PRH1: variants seen among roughly 807,000 people sequenced by gnomAD.
PRH1 encodes salivary acidic proline-rich phosphoprotein 1/2.
A neutral mutation model predicts 7.9 loss-of-function variants in PRH1; 7 were observed. The observed-to-expected ratio is 0.89, with a 90% confidence interval of 0.50 to 1.67. The LOEUF is 1.67. Among genes scored for constraint, PRH1 ranks in the 40% most tolerant of loss-of-function variants. The pLI is 0.00. For missense variants in PRH1, 109 were observed against 223.6 expected, an observed-to-expected ratio of 0.49 and a Z score of 3.27; for synonymous variants, 45 against 80.8, an observed-to-expected ratio of 0.56 and a Z score of 2.38.
At position 10,930,298 on chromosome 12, in the gene PRH1, A is replaced by G. The variant is rs1386891670; in HGVS notation, c.-59+43357T>C. The stretch of plus-strand genomic sequence containing the variant: ...CAGCCAAGAAGACGTTCCCTTGGTA[A>G]TATCAGGTAAATCCCAATAAATTCT... On this transcript the variant is annotated intron_variant, in intron 2 of 3. Coordinates refer to the PRH1 transcript ENST00000539853. 3 of 1,612,862 alleles carry G rather than the reference A, an allele frequency of 1.9e-6. No individual in the cohort carries two copies. The South Asian group carries it at 3.3e-5, about 18-fold the overall frequency.
chr12:11,067,511 A>T (rs1291390386), intron 1 of PRH1, among the ~76,000 whole-genome samples: 1 of 152,212 alleles, frequency 6.6e-6, no homozygotes, highest in Admixed American at 6.5e-5. Flanking sequence ...TATTAGCATT[A>T]AGAAGGTGGA....
chr12:11,035,740 T>A (rs1184772621), intron 1 of PRH1, among the ~76,000 whole-genome samples: 1 of 152,186 alleles, frequency 6.6e-6, no homozygotes, highest in African/African-American at 2.4e-5. Context: ...GATAGTATCT[T>A]ATCTGTTGCT....
intron 2 of PRH1, among the ~76,000 whole-genome samples, chr12:10,890,735 G>C (rs1949560070): frequency 6.6e-6 from 1 of 151,716 alleles, no homozygotes; most frequent in Non-Finnish European, 1.5e-5. Context: ...AAATTATCCA[G>C]GCATGATGGT....
chr12:10,906,101 T>G (rs1314735286), intron 2 of PRH1, among the ~76,000 whole-genome samples: 2 of 152,136 alleles, frequency 1.3e-5, no homozygotes, highest in African/African-American at 4.8e-5. Flanking sequence ...ATTTGGGAGG[T>G]CCTTTCTAAA....
chr12:10,980,769 G>T (rs1408893288), intron 1 of PRH1, among the ~76,000 whole-genome samples: 1 of 152,088 alleles, frequency 6.6e-6, no homozygotes, highest in East Asian at 1.9e-4. Flanking sequence ...ACTGAGAAGT[G>T]GTGCCCAGTA....
intron 1 of PRH1, among the ~76,000 whole-genome samples, chr12:11,059,721 T>C (rs1269299088): frequency 1.4e-5 from 2 of 142,356 alleles, no homozygotes; most frequent in Non-Finnish European, 3.2e-5. Flanking sequence ...ATAGCCAAAC[T>C]TTTCCTCTGC....
chr12:11,033,714 G>C (rs1238140215), intron 1 of PRH1, among the ~76,000 whole-genome samples: 1 of 152,132 alleles, frequency 6.6e-6, no homozygotes, highest in African/African-American at 2.4e-5. Context: ...AACTATCTTA[G>C]AGTTGTATAG....
At chr12:11,008,989 C>T (rs1940952888) in intron 1 of PRH1, among the ~76,000 whole-genome samples, 1 of 151,706 alleles carries the variant, frequency 6.6e-6, no homozygotes, top group Non-Finnish European at 1.5e-5. Context: ...CTCTTTATTA[C>T]TATTTGCATA....
chr12:11,062,795 T>C (rs930707235), intron 1 of PRH1, among the ~76,000 whole-genome samples: 1 of 152,106 alleles, frequency 6.6e-6, no homozygotes, highest in Non-Finnish European at 1.5e-5. Context: ...ATCACCTATA[T>C]GGACTTTTTT....
At chr12:11,022,454 T>C in intron 1 of PRH1, 8 of 1,614,102 alleles carry the variant, frequency 5.0e-6, no homozygotes, top group Non-Finnish European at 6.8e-6. Flanking sequence ...GAGGAGATCT[T>C]TCGTGTGTTA....
At chr12:11,159,643 C>G (rs748985366) in intron 1 of PRH1, 2 of 152,120 alleles carry the variant, frequency 1.3e-5, no homozygotes, top group Non-Finnish European at 2.9e-5. Context: ...ATTCCTAAGA[C>G]AAGTCCTCTT....
chr12:10,932,421 C>G (rs1950227044), intron 2 of PRH1: 1 of 194,756 alleles, frequency 5.1e-6, no homozygotes, highest in African/African-American at 2.3e-5. Flanking sequence ...CTTGATGTTT[C>G]CAGCAAGCTT....
At chr12:11,098,948 A>C (rs1272656954) in intron 1 of PRH1, among the ~76,000 whole-genome samples, 1 of 152,174 alleles carries the variant, frequency 6.6e-6, no homozygotes. Context: ...CCCACTCAAG[A>C]GTTTTCAGCC....
chr12:11,117,668 T>C (rs1945769989), downstream of PRH1, among the ~76,000 whole-genome samples: 1 of 152,170 alleles, frequency 6.6e-6, no homozygotes, highest in Admixed American at 6.5e-5. Context: ...CATATGATAC[T>C]TACTACTGAG....
At chr12:10,928,804 C>T (rs2135861934) in intron 2 of PRH1, among the ~76,000 whole-genome samples, 1 of 152,292 alleles carries the variant, frequency 6.6e-6, no homozygotes, top group East Asian at 1.9e-4. Context: ...AATAGGCTAT[C>T]AAAAGAGTCA....
At chr12:11,053,151 C>T (rs141718945) in intron 1 of PRH1, among the ~76,000 whole-genome samples, 2 of 152,396 alleles carry the variant, frequency 1.3e-5, no homozygotes, top group East Asian at 1.9e-4. Flanking sequence ...AAGAGCAGCA[C>T]TGGATTTCAA....
chr12:11,072,831 CTTTG>C lies in PRH1; in HGVS notation n.124-25647_124-25644del, dbSNP rs1261364554. ...GGGTCGGGAGATTAAAACAGTTGGC[CTTTG>C]TTTGGTAAGAACGAAAGTGCTGCTT... On this transcript the variant is annotated intron_variant and non_coding_transcript_variant, in intron 1 of 4. Transcript: ENST00000541977. Among the ~76,000 whole-genome samples the C allele has an allele frequency of 1.7e-5, 2 of 119,434 alleles. 1 individual carries two copies. The highest frequency in any genetic ancestry group is 5.6e-5 in the African/African-American group (2 of 35,734). The allele number at this position is 119,434 out of a possible 152,430, so 78.4% of individuals were successfully genotyped here.
intron 2 of PRH1, among the ~76,000 whole-genome samples, chr12:10,905,167 C>T (rs1445202272): frequency 6.6e-6 from 1 of 151,780 alleles, no homozygotes; most frequent in African/African-American, 2.4e-5. Flanking sequence ...CTAGTCATCC[C>T]ATTACTCAGT....
chr12:11,163,972 G>A (rs554477427), intron 1 of PRH1, among the ~76,000 whole-genome samples: 4 of 152,272 alleles, frequency 2.6e-5, no homozygotes, highest in African/African-American at 9.6e-5. Context: ...CTGGCACTTA[G>A]GTATCTACAG....
Sources: allele counts gnomAD v4.1 joint callset (sites outside exome capture counted in the v4.1 genomes callset), GRCh38; gene constraint gnomAD v4.1.1; transcripts MANE v1.5; gene names NCBI Gene and HGNC (gene_info 2026-07-23, HGNC 2026-07-21).